Variants in CRPPA observed in about 807,000 individuals in gnomAD.
The protein encoded by CRPPA is D-ribitol-5-phosphate cytidylyltransferase.
Under a neutral mutation model 52.0 loss-of-function variants are expected in CRPPA, and 43 were observed. The ratio of observed to expected loss-of-function variants is 0.83; its 90% CI spans 0.65 to 1.07. The LOEUF (loss-of-function observed/expected upper bound fraction) is 1.07. CRPPA is among the 50% of genes least tolerant of loss of function. The pLI is 0.00. For missense variants in CRPPA, 629 were observed against 551.7 expected, an observed-to-expected ratio of 1.14 and a Z score of -1.40; for synonymous variants, 250 against 203.5, an observed-to-expected ratio of 1.23 and a Z score of -1.94.
chr7:16,175,005 G>T lies in CRPPA; in HGVS notation c.1251+41061C>A, dbSNP rs993251955. Among the ~76,000 whole-genome samples, 5 of 152,034 alleles carry T rather than the reference G, an allele frequency of 3.3e-5. No individual in the cohort carries two copies. The East Asian group carries it at 9.6e-4, about 29-fold the overall frequency. On this transcript the variant is annotated intron_variant, in intron 9 of 9. Transcript: ENST00000407010. The stretch of plus-strand genomic sequence containing the variant: ...ACTGAGAGAAGGGTAAGATTTTGTT[G>T]GTTTTTGAGCAACATCTGGAAATTC...
At chr7:16,317,353 C>G (rs748872390) in intron 3 of CRPPA, among the ~76,000 whole-genome samples, 1 of 152,166 alleles carries the variant, frequency 6.6e-6, no homozygotes, top group Non-Finnish European at 1.5e-5. Flanking sequence ...TTGATAAAAT[C>G]TAAATAATCA....
chr7:16,239,326 T>C (rs932839545), intron 8 of CRPPA, among the ~76,000 whole-genome samples: 1 of 151,832 alleles, frequency 6.6e-6, no homozygotes, highest in Non-Finnish European at 1.5e-5. Flanking sequence ...ACCATGCTCA[T>C]TTTACAAGTT....
chr7:16,368,726 A>C (rs1398397723), intron 3 of CRPPA, among the ~76,000 whole-genome samples: 1 of 152,202 alleles, frequency 6.6e-6, no homozygotes, highest in Non-Finnish European at 1.5e-5. Context: ...CTATTAATAA[A>C]TGTCACAATT....
intron 9 of CRPPA, among the ~76,000 whole-genome samples, chr7:16,212,692 C>T (rs759423653): frequency 6.6e-6 from 1 of 152,178 alleles, no homozygotes; most frequent in African/African-American, 2.4e-5. Flanking sequence ...ACAGCCAGCA[C>T]CACCATCCTC....
intron 6 of CRPPA, among the ~76,000 whole-genome samples, chr7:16,272,548 G>C (rs1784113580): frequency 6.6e-6 from 1 of 152,102 alleles, no homozygotes; most frequent in Non-Finnish European, 1.5e-5. Context: ...TTTCAAAGTA[G>C]GATGAAAGCT....
At chr7:16,297,385 T>G (rs2128421942) in intron 5 of CRPPA, among the ~76,000 whole-genome samples, 1 of 152,218 alleles carries the variant, frequency 6.6e-6, no homozygotes, top group African/African-American at 2.4e-5. Context: ...AATGATATAG[T>G]GATAGATATT....
intron 3 of CRPPA, among the ~76,000 whole-genome samples, chr7:16,340,976 T>A (rs1291729091): frequency 1.3e-5 from 2 of 152,146 alleles, no homozygotes; most frequent in African/African-American, 4.8e-5. Context: ...AAATGCATAT[T>A]ACTGAGTGAA....
chr7:16,334,332 G>A (rs62441913), intron 3 of CRPPA, among the ~76,000 whole-genome samples: 41,817 of 151,978 alleles, frequency 0.28, 5,889 homozygotes, highest in Admixed American at 0.33. Context: ...AAGCCCTGGT[G>A]TTCTTGTTAT....
intron 8 of CRPPA, among the ~76,000 whole-genome samples, chr7:16,240,981 T>A (rs1278255309): frequency 6.6e-6 from 1 of 152,200 alleles, no homozygotes; most frequent in African/African-American, 2.4e-5. Flanking sequence ...CACATATATG[T>A]GTGTATATTT....
At chr7:16,180,345 T>G (rs1781386019) in intron 9 of CRPPA, among the ~76,000 whole-genome samples, 3 of 152,104 alleles carry the variant, frequency 2.0e-5, no homozygotes, top group Admixed American at 2.0e-4. Flanking sequence ...TACACTATAT[T>G]TTCCATAACT....
intron 9 of CRPPA, among the ~76,000 whole-genome samples, chr7:16,173,647 T>A (rs949441475): frequency 2.6e-5 from 4 of 152,134 alleles, no homozygotes; most frequent in African/African-American, 9.7e-5. Flanking sequence ...TATATATTTA[T>A]AGAATATGAT....
At chr7:16,351,989 A>G (rs1786167103) in intron 3 of CRPPA, among the ~76,000 whole-genome samples, 1 of 152,212 alleles carries the variant, frequency 6.6e-6, no homozygotes, top group Non-Finnish European at 1.5e-5. Flanking sequence ...CACTATTTAC[A>G]ATAGCAGAGA....
chr7:16,321,767 AT>A (rs1392296988), intron 3 of CRPPA, among the ~76,000 whole-genome samples: 1 of 152,202 alleles, frequency 6.6e-6, no homozygotes, highest in Non-Finnish European at 1.5e-5. Flanking sequence ...GCAGTTAAAA[AT>A]ATATGCCCAG....
intron 6 of CRPPA, among the ~76,000 whole-genome samples, chr7:16,274,075 A>T (rs1478384639): frequency 6.6e-6 from 1 of 152,030 alleles, no homozygotes; most frequent in East Asian, 1.9e-4. Flanking sequence ...TTTGAGACGG[A>T]GTCTCGCTCT....
chr7:16,381,029 C>T (rs1257239480), intron 2 of CRPPA, among the ~76,000 whole-genome samples: 1 of 151,168 alleles, frequency 6.6e-6, no homozygotes, highest in Non-Finnish European at 1.5e-5. Context: ...TTGCCTTCTG[C>T]TAGCTTTTGA....
intron 3 of CRPPA, among the ~76,000 whole-genome samples, chr7:16,311,594 C>T (rs1246243514): frequency 6.6e-6 from 1 of 151,990 alleles, no homozygotes; most frequent in African/African-American, 2.4e-5. Flanking sequence ...ATGTTGGTTC[C>T]AGTTTTGGCA....
chr7:16,094,838 G>A (rs1201233529), intron 9 of CRPPA, among the ~76,000 whole-genome samples: 1 of 152,012 alleles, frequency 6.6e-6, no homozygotes, highest in Non-Finnish European at 1.5e-5. Context: ...CCTGACAAGT[G>A]CTCCTCAAAA....
chr7:16,420,974 C>T, intron 1 of CRPPA, 92 bp downstream of exon 1: 5 of 1,118,092 alleles, frequency 4.5e-6, no homozygotes, highest in Non-Finnish European at 5.8e-6. Context: ...GGCAGTCCCC[C>T]AAGTGAAGGT....
intron 4 of CRPPA, among the ~76,000 whole-genome samples, chr7:16,304,450 G>A (rs1250370094): frequency 6.6e-6 from 1 of 152,078 alleles, no homozygotes; most frequent in Non-Finnish European, 1.5e-5. Context: ...AGACCAGCCT[G>A]GCCAACATAG....
Sources: allele counts gnomAD v4.1 joint callset (sites outside exome capture counted in the v4.1 genomes callset), GRCh38; gene constraint gnomAD v4.1.1; transcripts MANE v1.5; gene names NCBI Gene and HGNC (gene_info 2026-07-23, HGNC 2026-07-21).